The following CACNA2D4 variants were observed in gnomAD, a reference collection of about 807,000 sequenced individuals.
CACNA2D4 encodes the protein voltage-dependent calcium channel subunit alpha-2/delta-4.
CACNA2D4 carries 157 observed loss-of-function variants against 163.8 expected under a neutral mutation model. That is an observed-to-expected ratio of 0.96 (90% confidence interval 0.84 to 1.09). CACNA2D4 has a LOEUF of 1.09. CACNA2D4 is among the 50% of genes least tolerant of loss of function. The probability of loss-of-function intolerance (pLI) is 0.00; values close to 1 mark genes in which losing one functional copy is unlikely to be tolerated. For missense variants in CACNA2D4, 1,410 were observed against 1,479.9 expected (o/e 0.95, Z 0.78); for synonymous variants, 598 against 586.9 (o/e 1.02, Z -0.27).
chr12:1,822,683 A>G (rs1412558018), intron 26 of CACNA2D4, among the ~76,000 whole-genome samples: 1 of 152,252 alleles, frequency 6.6e-6, no homozygotes, highest in Admixed American at 6.5e-5. Flanking sequence ...CCAGGAGGGT[A>G]TATGGCTGTT....
intron 23 of CACNA2D4, among the ~76,000 whole-genome samples, chr12:1,850,317 T>G (rs1865244562): frequency 6.6e-6 from 1 of 152,202 alleles, no homozygotes; most frequent in Admixed American, 6.5e-5. Context: ...TCAGATTACA[T>G]GTTAGGTTGA....
intron 26 of CACNA2D4, chr12:1,831,409 G>T (rs1246612489): frequency 6.2e-7 from 1 of 1,614,006 alleles, no homozygotes; most frequent in East Asian, 2.2e-5. Flanking sequence ...AATCTGGACC[G>T]GCTGACATTT....
chr12:1,795,451 G>C, intron 36 of CACNA2D4, 70 bp from the exon 37 acceptor site: 1 of 1,432,988 alleles, frequency 7.0e-7, no homozygotes, highest in Admixed American at 1.9e-5. Flanking sequence ...AAAAGGTCTG[G>C]AAGAACCTGC....
intron 6 of CACNA2D4, among the ~76,000 whole-genome samples, chr12:1,906,760 G>T (rs567866123): frequency 6.6e-6 from 1 of 152,224 alleles, no homozygotes; most frequent in African/African-American, 2.4e-5. Context: ...AACTGCAGGA[G>T]CTCTGAGTTC....
chr12:1,850,830 C>T (rs112110254), intron 23 of CACNA2D4, among the ~76,000 whole-genome samples: 4 of 148,864 alleles, frequency 2.7e-5, no homozygotes, highest in South Asian at 2.1e-4. Context: ...AGGAGAATGG[C>T]GAGCTTGTGC....
At chr12:1,800,321 A>G in intron 32 of CACNA2D4, 65 bp downstream of exon 32, 1 of 1,552,666 alleles carries the variant, frequency 6.4e-7, no homozygotes, top group Non-Finnish European at 8.9e-7. Flanking sequence ...CTCCTGCTCA[A>G]GGACACCCTC....
intron 18 of CACNA2D4, among the ~76,000 whole-genome samples, chr12:1,864,988 C>A (rs912215689): frequency 6.6e-5 from 10 of 152,212 alleles, no homozygotes; most frequent in Admixed American, 2.0e-4. Flanking sequence ...TCCCGGGTCT[C>A]CAGGTGGGCG....
At position 1,883,554 on chromosome 12, in the gene CACNA2D4, C is replaced by G. The variant is rs893374616; in HGVS notation, c.1352-554G>C. ...GCTGTGAATGGCCTCTCCACGCCCC[C>G]ACCTCCCACCGTGTTCATCCCCCTC... On this transcript the variant is annotated intron_variant, in intron 12 of 37. Coordinates refer to ENST00000382722, the MANE Select transcript of CACNA2D4 (RefSeq NM_172364.5). This position sits in a 1 kb window ranked among gnomAD's most constrained non-coding sequence, Gnocchi z 4.5. Among the ~76,000 whole-genome samples, 1 of 152,098 alleles carries G rather than the reference C, an allele frequency of 6.6e-6. No individual in the cohort carries two copies. The highest frequency in any genetic ancestry group is 1.5e-5 in the Non-Finnish European group (1 of 68,008).
At chr12:1,860,002 A>G in intron 19 of CACNA2D4, 143 bp downstream of exon 19, 1 of 652,684 alleles carries the variant, frequency 1.5e-6, no homozygotes, top group East Asian at 2.7e-5. Flanking sequence ...TCTAGGCTAC[A>G]CTGGCAAAGC....
intron 26 of CACNA2D4, 96 bp downstream of exon 26, chr12:1,840,643 C>T: frequency 2.0e-6 from 2 of 984,710 alleles, no homozygotes; most frequent in East Asian, 4.9e-5. Context: ...GACTGTGGCC[C>T]TGGCCACATG....
intron 26 of CACNA2D4, among the ~76,000 whole-genome samples, chr12:1,824,243 T>C (rs1367200370): frequency 6.6e-6 from 1 of 152,166 alleles, no homozygotes; most frequent in Non-Finnish European, 1.5e-5. Context: ...CAAACTCAAA[T>C]ATGCATGAAA....
In CACNA2D4 at chr12:1,856,060, G is replaced by A. The variant is rs1364936687; in HGVS notation, c.2104C>T (p.Leu702=). ...IDPDHRKLSQ[L]EAMIRFLTRK... is the part of the protein sequence containing the mutation. Reference sequence around the variant, plus strand: ...GTGAGGAAGCGGATCATGGCCTCTAGCTGGCTGAGCTTCCGGTGGTCTGGG... The same window carrying A: ...GTGAGGAAGCGGATCATGGCCTCTAACTGGCTGAGCTTCCGGTGGTCTGGG... Residue 702 remains leucine, a synonymous_variant, in exon 22 of 38, where the codon CTA becomes TTA. Transcript: ENST00000382722. 1 of 1,614,038 alleles carries A rather than the reference G, an allele frequency of 6.2e-7. No individual in the cohort carries two copies. Among genetic ancestry groups the A allele is most frequent in the Admixed American group, 1.7e-5 (1 of 60,032 alleles).
At chr12:1,831,639 G>A in intron 26 of CACNA2D4, 8 of 878,744 alleles carry the variant, frequency 9.1e-6, no homozygotes, top group African/African-American at 1.7e-5. Flanking sequence ...GGGAAAGAAG[G>A]GGGCGACCCT....
In CACNA2D4 at chr12:1,834,674, C is replaced by T. The variant is rs368513861; in HGVS notation, c.2551+6065G>A. 2 of 1,601,712 alleles carry T rather than the reference C, an allele frequency of 1.2e-6. No homozygotes were observed. The highest frequency in any genetic ancestry group is 2.7e-5 in the African/African-American group (2 of 74,902). On this transcript the variant is annotated intron_variant, in intron 26 of 37. Transcript: ENST00000382722. This position sits in a 1 kb window ranked among gnomAD's most constrained non-coding sequence, Gnocchi z 7.6. ...AAAGCGCCAGCCCCTGATGGGGGAC[C>T]CCGAGGGCGAGCACGAGGACCAGAA...
chr12:1,824,042 A>G (rs1318812587), intron 26 of CACNA2D4, among the ~76,000 whole-genome samples: 1 of 152,238 alleles, frequency 6.6e-6, no homozygotes, highest in Non-Finnish European at 1.5e-5. Flanking sequence ...GCAAAATGAT[A>G]GTAACAAGAA....
Position 1,869,471 on chromosome 12 carries a change from G to A in CACNA2D4, c.1878+5133C>T, listed in dbSNP as rs1229100179. Among the ~76,000 whole-genome samples the A allele has an allele frequency of 1.3e-5, 2 of 152,254 alleles. No individual in the cohort carries two copies. The highest frequency in any genetic ancestry group is 2.4e-5 in the African/African-American group (1 of 41,466). ...CTCATGGAAGGCACTGGCTCCGTCTGCGGGTCATCTGCCATCCTGATGGGT... is the reference window on the plus strand; with the variant it reads ...CTCATGGAAGGCACTGGCTCCGTCTACGGGTCATCTGCCATCCTGATGGGT... On this transcript the variant is annotated intron_variant, in intron 18 of 37. Transcript: ENST00000382722. The surrounding 1 kb of genome is among the most constrained non-coding windows in gnomAD (Gnocchi z 4.7).
intron 26 of CACNA2D4, among the ~76,000 whole-genome samples, chr12:1,817,603 C>A (rs1368166437): frequency 2.0e-5 from 3 of 152,198 alleles, no homozygotes; most frequent in African/African-American, 7.2e-5. Context: ...CCTGCCTCAG[C>A]CTGCCAAGTG....
intron 6 of CACNA2D4, among the ~76,000 whole-genome samples, chr12:1,897,188 G>A (rs1183652223): frequency 2.0e-5 from 3 of 152,172 alleles, no homozygotes; most frequent in Non-Finnish European, 2.9e-5. Flanking sequence ...TCTCATGGGG[G>A]TAGAGAGTAG....
In CACNA2D4 at chr12:1,898,467, T is replaced by A. The variant is rs139479546; in HGVS notation, c.781+8973A>T. On this transcript the variant is annotated intron_variant, in intron 6 of 37. Transcript: ENST00000382722. ...GATGAGCAAATGGCCAATAAGCACATGAAAAGATGTTCAAAGTCATTAATC... is the reference window on the plus strand; with the variant it reads ...GATGAGCAAATGGCCAATAAGCACAAGAAAAGATGTTCAAAGTCATTAATC... Among the ~76,000 whole-genome samples, 13 of 152,136 alleles carry A rather than the reference T, an allele frequency of 8.5e-5. No homozygotes were observed. The East Asian group carries it at 2.5e-3, about 29-fold the overall frequency.
Sources: gnomAD v4.1 joint callset for allele counts (sites outside exome capture counted in the v4.1 genomes callset) on GRCh38, gnomAD v4.1.1 for gene constraint, Gnocchi (gnomAD v3.1) non-coding constraint, MANE v1.5 for transcripts, NCBI Gene and HGNC (gene_info 2026-07-23, HGNC 2026-07-21) for gene names.